The following GYS1 variants were observed in gnomAD, a reference collection of about 807,000 sequenced individuals.
The protein encoded by GYS1 is glycogen synthase 1.
A neutral mutation model predicts 89.1 loss-of-function variants in GYS1; 60 were observed. The observed-to-expected ratio is 0.67, with a 90% confidence interval of 0.55 to 0.84. The LOEUF is 0.84. Among genes scored for constraint, GYS1 ranks in the 40% least tolerant of loss-of-function variants. The pLI, the probability that GYS1 is intolerant of heterozygous loss-of-function variation, is 0.00. For synonymous variants in GYS1, 366 were observed against 401.7 expected, an observed-to-expected ratio of 0.91 and a Z score of 1.06; for missense variants, 888 against 1,003.1, an observed-to-expected ratio of 0.89 and a Z score of 1.55.
intron 1 of GYS1, 111 bp downstream of exon 1, chr19:48,992,883 GC>G (rs1027939463): frequency 6.7e-6 from 5 of 749,626 alleles, no homozygotes; most frequent in African/African-American, 5.2e-5. Flanking sequence ...CAGCCTCCTT[GC>G]CCAGGTCACA....
chr19:48,977,589 T>C (rs1184435076), intron 10 of GYS1, among the ~76,000 whole-genome samples: 4 of 152,020 alleles, frequency 2.6e-5, no homozygotes, highest in African/African-American at 9.7e-5. Context: ...CGAGACTCCA[T>C]CTCAAAATAA....
At chr19:48,977,775 C>T in intron 10 of GYS1, 149 bp downstream of exon 10, 1 of 708,922 alleles carries the variant, frequency 1.4e-6, no homozygotes, top group African/African-American at 1.7e-5. Context: ...AGCACGTGCC[C>T]TTCTGTGGAC....
intron 12 of GYS1, 42 bp from the exon 13 acceptor site, chr19:48,971,065 C>T (rs1466764472): frequency 2.2e-6 from 3 of 1,339,816 alleles, no homozygotes; most frequent in East Asian, 4.6e-5. Flanking sequence ...CTTCCCTCAT[C>T]GCCTACCGTC....
intron 14 of GYS1, chr19:48,970,328 A>C (rs1174049639): frequency 7.1e-6 from 4 of 562,726 alleles, no homozygotes; most frequent in East Asian, 6.1e-5. Flanking sequence ...AATGTTGCCC[A>C]GGCTGGTCTC....
intron 2 of GYS1, among the ~76,000 whole-genome samples, chr19:48,990,490 C>A (rs1016596937): frequency 6.6e-6 from 1 of 152,164 alleles, no homozygotes; most frequent in Non-Finnish European, 1.5e-5. Flanking sequence ...TCCATCCACC[C>A]TTCTCCCTTG....
chr19:48,989,667 C>T (rs898704820), intron 2 of GYS1, among the ~76,000 whole-genome samples: 2 of 152,012 alleles, frequency 1.3e-5, no homozygotes, highest in African/African-American at 4.8e-5. Context: ...TCAAGCTATC[C>T]TCTCACCTCG....
chr19:48,974,010 G>A (rs1205781407), intron 12 of GYS1, among the ~76,000 whole-genome samples: 1 of 152,168 alleles, frequency 6.6e-6, no homozygotes, highest in Admixed American at 6.6e-5. Flanking sequence ...CAGTTCACTA[G>A]TCCTCAAAAC....
At chr19:48,971,888 G>A (rs950671576) in intron 12 of GYS1, among the ~76,000 whole-genome samples, 3 of 149,382 alleles carry the variant, frequency 2.0e-5, no homozygotes, top group South Asian at 4.3e-4. Context: ...TCGAGACAAG[G>A]TCTCACTTTA....
In GYS1 at chr19:48,975,940, A is replaced by T. The variant is rs537823122; in HGVS notation, c.1309-1207T>A. ...AAAAAAAAAAAAAAAAAAAAAGAAG[A>T]AAAAAGAAAATTCACCTCCAACCCT... is the stretch of plus-strand genomic sequence containing the variant. On this transcript the variant is annotated intron_variant, in intron 10 of 15. Transcript: ENST00000323798. Among the ~76,000 whole-genome samples the T allele has an allele frequency of 7.2e-4, 109 of 150,600 alleles. No homozygotes were observed. The East Asian group carries it at 0.017, about 23-fold the overall frequency.
rs777178030 is a variant in GYS1 at position 48,979,336 on chromosome 19, C to CTTTTTTTTTTTTTTTTTTTTTTT, written c.1170-1202_1170-1180dup. ...TTTGTCTCTTTTTCTTTTTTCTTTTCTTTTTTTTTTTTTTTTTTTTTTTTT... is the reference window on the plus strand; with the variant it reads ...TTTGTCTCTTTTTCTTTTTTCTTTTCTTTTTTTTTTTTTTTTTTTTTTTTTTTTTTTTTTTTTTTTTTTTTTTT... On this transcript the variant is annotated intron_variant, in intron 8 of 15. Transcript: ENST00000323798. Among the ~76,000 whole-genome samples, 45 of 92,760 alleles carry CTTTTTTTTTTTTTTTTTTTTTTT rather than the reference C, an allele frequency of 4.9e-4. 4 individuals carry two copies. Among genetic ancestry groups the CTTTTTTTTTTTTTTTTTTTTTTT allele is most frequent in the East Asian group, 1.2e-3 (4 of 3,348 alleles). 60.9% of individuals were successfully genotyped at this position (92,760 alleles called of 152,430 possible).
intron 10 of GYS1, among the ~76,000 whole-genome samples, chr19:48,976,947 C>T (rs1356087746): frequency 6.6e-6 from 1 of 152,022 alleles, no homozygotes; most frequent in Non-Finnish European, 1.5e-5. Flanking sequence ...TGCCACTATG[C>T]CCAGCTCATT....
intron 2 of GYS1, among the ~76,000 whole-genome samples, chr19:48,988,451 ACCT>A (rs1281178760): frequency 6.7e-6 from 1 of 149,972 alleles, no homozygotes; most frequent in African/African-American, 2.5e-5. Context: ...CTCCCACCTC[ACCT>A]CCTACAGGCG....
chr19:48,968,995 A>C lies in GYS1; in HGVS notation c.*293T>G. 3.2e-6 allele frequency: 2 copies of C among 622,122 alleles called. No homozygotes were observed. The highest frequency in any genetic ancestry group is 6.0e-6 in the Non-Finnish European group (2 of 335,876). The allele number at this position is 622,122 out of a possible 1,614,324, so 38.5% of individuals were successfully genotyped here. On this transcript the variant is annotated 3_prime_UTR_variant, in exon 16 of 16. Coordinates refer to ENST00000323798, the MANE Select transcript of GYS1 (RefSeq NM_002103.5). ...CAGGTTTCCTAAAACCTCTGGCACC[A>C]CCGCAGAGTAATGGCAGATTCCTGG...
chr19:48,971,001 G>A lies in GYS1; in HGVS notation c.1572C>T (p.Ile524=), dbSNP rs529330816. Residue 524 remains isoleucine (I), a synonymous_variant, in exon 13 of 16, where the codon ATC becomes ATT. Coordinates refer to ENST00000323798, the MANE Select transcript of GYS1 (RefSeq NM_002103.5). ...YTPAECTVMG[I]PSISTNLSGF... ...CGGAGAGATTGGTGGAGATACTGGGGATTCCCATAACCGTGCACTCAGCTG... is the reference window on the plus strand; with the variant it reads ...CGGAGAGATTGGTGGAGATACTGGGAATTCCCATAACCGTGCACTCAGCTG... 2.5e-6 allele frequency: 4 copies of A among 1,613,706 alleles called. No homozygotes were observed. Among genetic ancestry groups the A allele is most frequent in the East Asian group, 2.2e-5 (1 of 44,872 alleles).
intron 14 of GYS1, 54 bp from the exon 15 acceptor site, chr19:48,969,909 A>ATCATCTGCCTGGGGGT: frequency 3.2e-6 from 4 of 1,269,426 alleles, no homozygotes; most frequent in Non-Finnish European, 4.6e-6. Flanking sequence ...CCCCACCCCC[A>ATCATCTGCCTGGGGGT]GGCAGATGAT....
intron 2 of GYS1, among the ~76,000 whole-genome samples, chr19:48,990,000 G>GGGC (rs1555800121): frequency 5.3e-5 from 7 of 131,332 alleles, no homozygotes; most frequent in African/African-American, 8.8e-5. Flanking sequence ...CCTTTTGCTG[G>GGGC]GGGGGGGGGG....
chr19:48,969,201 TG>T lies in GYS1; in HGVS notation c.*86del. ...TGCGGGGCCACACCCAGTGCAGATC[TG>T]GAGCGGGGGTTTAGGAGCAGCACCC... On this transcript the variant is annotated 3_prime_UTR_variant, in exon 16 of 16. Transcript: ENST00000323798. 8.0e-7 allele frequency: 1 copy of T among 1,248,046 alleles called. No homozygotes were observed. Among genetic ancestry groups the T allele is most frequent in the Non-Finnish European group, 1.1e-6 (1 of 903,184 alleles). The allele number at this position is 1,248,046 out of a possible 1,614,324, so 77.3% of individuals were successfully genotyped here. A position where few individuals can be genotyped will look rare whatever the true frequency, so the allele number is the denominator to read the frequency against.
chr19:48,972,415 C>G (rs1449248843), intron 12 of GYS1, among the ~76,000 whole-genome samples: 1 of 152,108 alleles, frequency 6.6e-6, no homozygotes, highest in East Asian at 1.9e-4. Flanking sequence ...CTCAAGCTAT[C>G]CTCCCACCTC....
chr19:48,985,756 G>T, intron 4 of GYS1, 94 bp downstream of exon 4: 1 of 1,525,836 alleles, frequency 6.6e-7, no homozygotes, highest in Non-Finnish European at 9.1e-7. Flanking sequence ...CCTGGATCCT[G>T]GGAGAAGAGG....
Sources: allele counts gnomAD v4.1 joint callset (sites outside exome capture counted in the v4.1 genomes callset), GRCh38; gene constraint gnomAD v4.1.1; transcripts MANE v1.5; gene names NCBI Gene and HGNC (gene_info 2026-07-23, HGNC 2026-07-21).